Variants in TPTE2 observed in about 807,000 individuals in gnomAD.
The protein encoded by TPTE2 is phosphatidylinositol 3,4,5-trisphosphate 3-phosphatase TPTE2.
In TPTE2, 53 loss-of-function variants were observed where a neutral mutation model predicts 78.6. That is an observed-to-expected ratio of 0.67 (90% CI 0.54 to 0.85). The LOEUF is 0.85. Ranked by LOEUF, TPTE2 falls within the 40% of genes least tolerant of loss-of-function variation. The probability of loss-of-function intolerance (pLI) is 0.00; values close to 1 mark genes in which losing one functional copy is unlikely to be tolerated. For missense variants in TPTE2, 461 were observed against 623.0 expected, an observed-to-expected ratio of 0.74 and a Z score of 2.77; for synonymous variants, 175 against 206.2, an observed-to-expected ratio of 0.85 and a Z score of 1.30.
At chr13:19,439,545 C>A (rs1593354566) in intron 13 of TPTE2, among the ~76,000 whole-genome samples, 1 of 152,210 alleles carries the variant, frequency 6.6e-6, no homozygotes, top group Non-Finnish European at 1.5e-5. Context: ...AGAATTCTGG[C>A]ACCATGAGAA....
At chr13:19,449,412 A>G (rs1354614090) in intron 13 of TPTE2, among the ~76,000 whole-genome samples, 2 of 152,168 alleles carry the variant, frequency 1.3e-5, no homozygotes, top group African/African-American at 4.8e-5. Flanking sequence ...AAGTGCTGGG[A>G]TTACAGGTGT....
chr13:19,492,823 GTGTGTCTTCATGTATTTATAACTC>G lies in TPTE2; in HGVS notation c.119+3_119+26del. On this transcript the variant is annotated splice_donor_5th_base_variant and intron_variant, in intron 3 of 19. Transcript: ENST00000400230. ...CAGCTCTATGCACTCTTATGCATACGTGTGTCTTCATGTATTTATAACTCACCTTTTACTGATAGGTGACACCAG... is the reference window on the plus strand; with the variant it reads ...CAGCTCTATGCACTCTTATGCATACGACCTTTTACTGATAGGTGACACCAG... 6 of 1,612,916 alleles carry G rather than the reference GTGTGTCTTCATGTATTTATAACTC, an allele frequency of 3.7e-6. No individual in the cohort carries two copies. Among genetic ancestry groups the G allele is most frequent in the Non-Finnish European group, 5.1e-6 (6 of 1,179,072 alleles).
chr13:19,479,834 G>A (rs9508148), intron 4 of TPTE2, among the ~76,000 whole-genome samples: 124 of 151,874 alleles, frequency 8.2e-4, no homozygotes, highest in South Asian at 2.5e-3. Context: ...GTGGTGGTGC[G>A]TGACTGTAGT....
the TPTE2 span, among the ~76,000 whole-genome samples, chr13:19,553,124 A>G: frequency 6.6e-6 from 1 of 151,654 alleles, no homozygotes; most frequent in Non-Finnish European, 1.5e-5. Flanking sequence ...AATTAACAGA[A>G]TGATGATAAA....
chr13:19,528,422 C>A (rs1348942884), intron 1 of TPTE2, among the ~76,000 whole-genome samples: 2 of 151,586 alleles, frequency 1.3e-5, no homozygotes, highest in Non-Finnish European at 2.9e-5. Flanking sequence ...TACTTATTTA[C>A]TTCCAAAATT....
intron 1 of TPTE2, among the ~76,000 whole-genome samples, chr13:19,510,966 G>A (rs528407748): frequency 2.0e-5 from 3 of 152,318 alleles, no homozygotes; most frequent in African/African-American, 7.2e-5. Flanking sequence ...GTTTGATTAT[G>A]TCAAGTGTTG....
At chr13:19,524,942 CAGT>C (rs1186148215) in intron 1 of TPTE2, among the ~76,000 whole-genome samples, 2 of 152,050 alleles carry the variant, frequency 1.3e-5, no homozygotes, top group Non-Finnish European at 2.9e-5. Flanking sequence ...GATGCCTGCA[CAGT>C]ATATTAAGAA....
chr13:19,476,896 A>G (rs1179696146), intron 4 of TPTE2, among the ~76,000 whole-genome samples: 1 of 152,232 alleles, frequency 6.6e-6, no homozygotes, highest in Non-Finnish European at 1.5e-5. Context: ...ATTCTACTAT[A>G]AAGATACATG....
chr13:19,476,199 C>T (rs1020127110), intron 4 of TPTE2, among the ~76,000 whole-genome samples: 1 of 151,906 alleles, frequency 6.6e-6, no homozygotes, highest in African/African-American at 2.4e-5. Context: ...GACAAACACC[C>T]GAAAGACTGG....
chr13:19,437,038 G>GAGACAC (rs1555247890), intron 14 of TPTE2, among the ~76,000 whole-genome samples: 2 of 145,904 alleles, frequency 1.4e-5, no homozygotes, highest in Non-Finnish European at 3.0e-5. Context: ...AAACCTAGGA[G>GAGACAC]ACACACACAC....
chr13:19,472,307 T>TTTGAGGCTA (rs1306110470), intron 6 of TPTE2, among the ~76,000 whole-genome samples: 2 of 152,198 alleles, frequency 1.3e-5, no homozygotes, highest in Non-Finnish European at 2.9e-5. Flanking sequence ...GATTTGTCCT[T>TTTGAGGCTA]TTGAGGCTAT....
At chr13:19,472,228 G>A (rs1016661380) in intron 6 of TPTE2, among the ~76,000 whole-genome samples, 3 of 151,992 alleles carry the variant, frequency 2.0e-5, no homozygotes, top group African/African-American at 4.8e-5. Context: ...GGTTTGGGAC[G>A]TTCTGTTACT....
intron 3 of TPTE2, among the ~76,000 whole-genome samples, chr13:19,489,483 A>C (rs1880853261): frequency 6.6e-6 from 1 of 150,786 alleles, no homozygotes; most frequent in Non-Finnish European, 1.5e-5. Context: ...ATATGTTTAC[A>C]TATATATACA....
intron 10 of TPTE2, among the ~76,000 whole-genome samples, chr13:19,456,990 A>G (rs1192039342): frequency 6.6e-6 from 1 of 152,212 alleles, no homozygotes; most frequent in Non-Finnish European, 1.5e-5. Flanking sequence ...GTCATAACAA[A>G]AGGACAAAAA....
exon 8 of TPTE2, chr13:19,465,491 G>T (rs1280379212): frequency 1.2e-6 from 2 of 1,609,836 alleles, no homozygotes; most frequent in African/African-American, 2.7e-5. Flanking sequence ...TTTTCAAGTT[G>T]TCTTTTTTGA....
At chr13:19,473,310 G>C (rs541459684) in intron 6 of TPTE2, among the ~76,000 whole-genome samples, 33 of 152,326 alleles carry the variant, frequency 2.2e-4, no homozygotes, top group African/African-American at 7.7e-4. Context: ...AGTTGTCCTA[G>C]CCTCCAGGTG....
intron 13 of TPTE2, among the ~76,000 whole-genome samples, chr13:19,447,691 G>C (rs1387071957): frequency 1.3e-5 from 2 of 151,996 alleles, no homozygotes; most frequent in African/African-American, 2.4e-5. Context: ...AATTCATTTA[G>C]AGCCCACTAA....
intron 1 of TPTE2, among the ~76,000 whole-genome samples, chr13:19,530,344 G>A (rs1156239165): frequency 1.3e-5 from 2 of 152,290 alleles, no homozygotes; most frequent in South Asian, 2.1e-4. Context: ...GAAGATGACG[G>A]TAAGTACCCA....
intron 9 of TPTE2, among the ~76,000 whole-genome samples, chr13:19,464,960 G>A (rs1879169622): frequency 6.6e-6 from 1 of 152,186 alleles, no homozygotes; most frequent in African/African-American, 2.4e-5. Context: ...AGAGGTCTCT[G>A]TGGGATCCTT....
Sources: allele counts gnomAD v4.1 joint callset (sites outside exome capture counted in the v4.1 genomes callset), GRCh38; gene constraint gnomAD v4.1.1; transcripts MANE v1.5; gene names NCBI Gene and HGNC (gene_info 2026-07-23, HGNC 2026-07-21).